The following GATA6 variants were observed in gnomAD, a reference collection of about 807,000 sequenced individuals.
GATA6 encodes the protein GATA binding protein 6.
GATA6 carries 11 observed loss-of-function variants against 48.1 expected under a neutral mutation model. The ratio of observed to expected loss-of-function variants is 0.23; its 90% CI spans 0.14 to 0.38. GATA6 has a LOEUF of 0.38. Among genes scored for constraint, GATA6 ranks in the 10% least tolerant of loss-of-function variants. The pLI is 1.00. For missense variants in GATA6, 795 were observed against 850.3 expected, an observed-to-expected ratio of 0.93 and a Z score of 0.81; for synonymous variants, 419 against 396.1, an observed-to-expected ratio of 1.06 and a Z score of -0.69.
chr18:22,201,967 T>C lies in GATA6; in HGVS notation c.*1144T>C, dbSNP rs2033468487. On this transcript the variant is annotated 3_prime_UTR_variant, in exon 7 of 7. Transcript: ENST00000269216. Reference sequence around the variant, plus strand: ...AGAGTTTTAAAAATAAAAAGGGTATTGTTTTGTCTTCTGTACAGTGAGTTC... The same window carrying C: ...AGAGTTTTAAAAATAAAAAGGGTATCGTTTTGTCTTCTGTACAGTGAGTTC... 1 of 152,206 alleles carries C rather than the reference T, an allele frequency of 6.6e-6. No individual in the cohort carries two copies. Among genetic ancestry groups the C allele is most frequent in the African/African-American group, 2.4e-5 (1 of 41,446 alleles). The allele number at this position is 152,206 out of a possible 1,614,324, so 9.4% of individuals were successfully genotyped here. A position where few individuals can be genotyped will look rare whatever the true frequency, so the allele number is the denominator to read the frequency against.
At chr18:22,183,742 C>T (rs569387926) in intron 6 of GATA6, among the ~76,000 whole-genome samples, 14 of 152,284 alleles carry the variant, frequency 9.2e-5, no homozygotes, top group Admixed American at 7.8e-4. Flanking sequence ...CTCAGTTTGC[C>T]TCTAGTAGAG....
chr18:22,171,779 C>T lies in GATA6; in HGVS notation c.635C>T (p.Pro212Leu). Residue 212 changes from proline to leucine, a missense_variant, in exon 2 of 7, where the codon CCA becomes CTA. Physicochemically the swap from Pro to Leu is moderately conservative, Grantham distance 98. Around this residue, in one of 5 missense-constraint regions of GATA6, gnomAD observed 591 missense variants for 570.0 expected, o/e 1.04. Coordinates refer to ENST00000269216, the MANE Select transcript of GATA6 (RefSeq NM_005257.6). The surrounding 1 kb of genome is among the most constrained non-coding windows in gnomAD (Gnocchi z 7.1). Reference sequence around the variant, plus strand: ...CACCTGCAGGGGTCGGGCAGTGGGCCAGCCAACCACGCGGGCGGCGCGGGC... The same window carrying T: ...CACCTGCAGGGGTCGGGCAGTGGGCTAGCCAACCACGCGGGCGGCGCGGGC... Reference protein sequence around the residue: ...PYHLQGSGSGPANHAGGAGAH... With the variant: ...PYHLQGSGSGLANHAGGAGAH... The T allele has an allele frequency of 2.2e-6, 3 of 1,337,634 alleles. No individual in the cohort carries two copies. Among genetic ancestry groups the T allele is most frequent in the Non-Finnish European group, 2.8e-6 (3 of 1,053,736 alleles). 82.9% of individuals were successfully genotyped at this position (1,337,634 alleles called of 1,614,324 possible).
At chr18:22,198,589 A>T (rs1055306605) in intron 6 of GATA6, among the ~76,000 whole-genome samples, 2 of 152,216 alleles carry the variant, frequency 1.3e-5, no homozygotes, top group Admixed American at 1.3e-4. Flanking sequence ...TGGACGTGAG[A>T]TGTATCATTA....
rs536359733 is a variant in GATA6, at chr18:22,185,458, C to A, written c.1620+2415C>A. 2.1e-3 allele frequency among the ~76,000 whole-genome samples: 320 copies of A among 152,358 alleles called. No individual in the cohort carries two copies. The highest frequency in any genetic ancestry group is 3.1e-3 in the Non-Finnish European group (213 of 68,026). ...GGTGTGAGCTGCAGCCAGGGGGCAT[C>A]TCTCCGAGCTCTCCAGCCTCTGGGC... On this transcript the variant is annotated intron_variant, in intron 6 of 6. Transcript: ENST00000269216. This position sits in a 1 kb window ranked among gnomAD's most constrained non-coding sequence, Gnocchi z 4.3.
chr18:22,173,715 C>T (rs183583722), intron 2 of GATA6, among the ~76,000 whole-genome samples: 4 of 152,222 alleles, frequency 2.6e-5, no homozygotes, highest in Non-Finnish European at 5.9e-5. Flanking sequence ...TGCAGTGGCT[C>T]ACTGTAATCT....
At position 22,185,407 on chromosome 18, in the gene GATA6, C is replaced by T. The variant is rs1315513986; in HGVS notation, c.1620+2364C>T. Among the ~76,000 whole-genome samples, 16 of 152,226 alleles carry T rather than the reference C, an allele frequency of 1.1e-4. No individual in the cohort carries two copies. Among genetic ancestry groups the T allele is most frequent in the Admixed American group, 5.9e-4 (9 of 15,274 alleles). Reference sequence around the variant, plus strand: ...CCTGCGGTAGTCTAGGCAGCCTCCACGGGGACTGAGAAGCTGGGAGTGGCT... The same window carrying T: ...CCTGCGGTAGTCTAGGCAGCCTCCATGGGGACTGAGAAGCTGGGAGTGGCT... On this transcript the variant is annotated intron_variant, in intron 6 of 6. Coordinates refer to ENST00000269216, the MANE Select transcript of GATA6 (RefSeq NM_005257.6). The surrounding 1 kb of genome is among the most constrained non-coding windows in gnomAD (Gnocchi z 4.3).
Position 22,171,192 on chromosome 18 carries a change from C to T in GATA6, c.48C>T (p.Ala16=). 1 of 1,599,832 alleles carries T rather than the reference C, an allele frequency of 6.3e-7. No homozygotes were observed. ...GGWCLPKRFG[A]AGADASDSRA... ...GGTGCTTGCCGAAGCGCTTCGGGGC[C>T]GCGGGTGCGGACGCCAGCGACTCCA... The change falls in exon 2 of 7, where the codon GCC becomes GCT. Residue 16 remains alanine (A), a synonymous_variant. Transcript: ENST00000269216. This position sits in a 1 kb window ranked among gnomAD's most constrained non-coding sequence, Gnocchi z 7.1.
chr18:22,171,323 G>T lies in GATA6; in HGVS notation c.179G>T (p.Cys60Phe). ...CGGGGCCCCGGCGGCGCCAGCAACT[G>T]CGGGACGCCTCAGCTCGACACGGAG... is the stretch of plus-strand genomic sequence containing the variant. The part of the protein sequence containing the change: ...GERGPGGASN[C>F]GTPQLDTEAA... The change falls in exon 2 of 7, where the codon TGC (cysteine) becomes TTC (phenylalanine). Residue 60 changes from cysteine to phenylalanine, a missense_variant. This residue lies in a region of GATA6 where 591 missense variants were observed against 570.0 expected (regional missense o/e 1.04). Transcript: ENST00000269216. This position sits in a 1 kb window ranked among gnomAD's most constrained non-coding sequence, Gnocchi z 7.1. 1 of 1,588,254 alleles carries T rather than the reference G, an allele frequency of 6.3e-7. No homozygotes were observed.
intron 6 of GATA6, among the ~76,000 whole-genome samples, chr18:22,192,939 T>C (rs893321826): frequency 6.6e-6 from 1 of 152,190 alleles, no homozygotes; most frequent in African/African-American, 2.4e-5. Context: ...TGCTCTTTTG[T>C]CCAGAATAGA....
intron 6 of GATA6, among the ~76,000 whole-genome samples, chr18:22,194,598 T>C (rs893245444): frequency 2.0e-5 from 3 of 151,044 alleles, no homozygotes; most frequent in Non-Finnish European, 4.4e-5. Flanking sequence ...CTTTGAAGGG[T>C]TGAATTATTT....
rs1007535542 is a variant in GATA6, at chr18:22,171,814, G to A, written c.670G>A (p.Gly224Ser). Reference sequence around the variant, plus strand: ...CGCGGGCGGCGCGGGCGCGCACCCCGGCTGGCCTCAGGCCTCGGCCGACAG... The same window carrying A: ...CGCGGGCGGCGCGGGCGCGCACCCCAGCTGGCCTCAGGCCTCGGCCGACAG... ...NHAGGAGAHP[G>S]WPQASADSPP... The change falls in exon 2 of 7, where the codon GGC becomes AGC. Residue 224 changes from glycine to serine, a missense_variant. Physicochemically the swap from Gly to Ser is moderately conservative, Grantham distance 56. This residue lies in a region of GATA6 where 591 missense variants were observed against 570.0 expected (regional missense o/e 1.04). Coordinates refer to ENST00000269216, the MANE Select transcript of GATA6 (RefSeq NM_005257.6). This position sits in a 1 kb window ranked among gnomAD's most constrained non-coding sequence, Gnocchi z 7.1. The A allele has an allele frequency of 7.0e-5, 90 of 1,286,142 alleles. No individual in the cohort carries two copies. The highest frequency in any genetic ancestry group is 8.3e-5 in the Non-Finnish European group (85 of 1,024,144). 79.7% of individuals were successfully genotyped at this position (1,286,142 alleles called of 1,614,324 possible).
chr18:22,190,067 A>G (rs1232190936), intron 6 of GATA6, among the ~76,000 whole-genome samples: 1 of 152,216 alleles, frequency 6.6e-6, no homozygotes, highest in Non-Finnish European at 1.5e-5. Flanking sequence ...GAGAAGAAAG[A>G]ATGTTTTCTT....
chr18:22,200,132 A>G (rs2033438869), intron 6 of GATA6, among the ~76,000 whole-genome samples: 1 of 152,132 alleles, frequency 6.6e-6, no homozygotes, highest in Non-Finnish European at 1.5e-5. Flanking sequence ...AGCTTTTCTA[A>G]AAAGTCTAAA....
chr18:22,175,378 T>C (rs1296806592), intron 2 of GATA6: 4 of 152,226 alleles, frequency 2.6e-5, no homozygotes, highest in African/African-American at 9.6e-5. Flanking sequence ...TTCCCAGTCA[T>C]AGGACTGGGT....
chr18:22,200,594 T>C, intron 6 of GATA6, 62 bp from the exon 7 acceptor site: 1 of 1,603,838 alleles, frequency 6.2e-7, no homozygotes, highest in Non-Finnish European at 8.5e-7. Context: ...TGTATTTCAC[T>C]ACCAGGATTG....
chr18:22,181,622 G>C (rs1567998832), intron 4 of GATA6, 44 bp downstream of exon 4: 1 of 1,609,128 alleles, frequency 6.2e-7, no homozygotes, highest in South Asian at 1.1e-5. Flanking sequence ...TTTAGTATCT[G>C]GTTTGTATGT....
In GATA6 at chr18:22,172,027, G is replaced by T; in HGVS notation, c.883G>T (p.Gly295Cys). Residue 295 changes from glycine (G) to cysteine (C), a missense_variant, in exon 2 of 7, where the codon GGC (glycine) becomes TGC (cysteine). This residue lies in a region of GATA6 where 591 missense variants were observed against 570.0 expected (regional missense o/e 1.04). Transcript: ENST00000269216. This position sits in a 1 kb window ranked among gnomAD's most constrained non-coding sequence, Gnocchi z 5.2. ...AGSGGAGGVS[G>C]GGSSLAAMGG... ...CAGTGGGGGCGCGGGAGGCGTGAGC[G>T]GCGGCGGCAGTAGCCTGGCGGCCAT... The T allele has an allele frequency of 8.0e-7, 1 of 1,248,604 alleles. No homozygotes were observed. Among genetic ancestry groups the T allele is most frequent in the Non-Finnish European group, 1.0e-6 (1 of 999,658 alleles). 77.3% of individuals were successfully genotyped at this position (1,248,604 alleles called of 1,614,324 possible).
At chr18:22,176,767 G>A in intron 2 of GATA6, 188 bp from the exon 3 acceptor site, 1 of 631,414 alleles carries the variant, frequency 1.6e-6, no homozygotes, top group Non-Finnish European at 2.6e-6. Flanking sequence ...TTGGACAAAT[G>A]GTCAGTGGAG....
Position 22,197,227 on chromosome 18 carries a change from T to A in GATA6, c.1621-3429T>A, listed in dbSNP as rs138611489. 1.6e-3 allele frequency among the ~76,000 whole-genome samples: 245 copies of A among 152,190 alleles called. 1 individual carries two copies. Among genetic ancestry groups the A allele is most frequent in the Middle Eastern group, 0.014 (4 of 294 alleles). On this transcript the variant is annotated intron_variant, in intron 6 of 6. Coordinates refer to ENST00000269216, the MANE Select transcript of GATA6 (RefSeq NM_005257.6). ...CCACCTTGCTCGGCTAATTTTTTTG[T>A]GTCAGTAGAGATGAGGTTTCACCAT...
Sources: gnomAD v4.1 joint callset for allele counts (sites outside exome capture counted in the v4.1 genomes callset) on GRCh38, gnomAD v4.1.1 for gene constraint, gnomAD v4.1.1 regional missense constraint, Gnocchi (gnomAD v3.1) non-coding constraint, MANE v1.5 for transcripts, NCBI Gene and HGNC (gene_info 2026-07-23, HGNC 2026-07-21) for gene names.